Variants in SLC27A1 observed in about 807,000 individuals in gnomAD.
The protein encoded by SLC27A1 is long-chain fatty acid transport protein 1.
SLC27A1 carries 61 observed loss-of-function variants against 62.2 expected under a neutral mutation model. That is an observed-to-expected ratio of 0.98 (90% CI 0.80 to 1.21). The LOEUF is 1.21. Ranked by LOEUF, SLC27A1 falls within the 50% of genes most tolerant of loss-of-function variation. The pLI, the probability that SLC27A1 is intolerant of heterozygous loss-of-function variation, is 0.00. For synonymous variants in SLC27A1, 435 were observed against 408.6 expected, an observed-to-expected ratio of 1.06 and a Z score of -0.78; for missense variants, 903 against 932.1, an observed-to-expected ratio of 0.97 and a Z score of 0.41.
rs970598736 is a variant in SLC27A1, at chr19:17,491,415, G to A, written c.996+2298G>A. 4.6e-5 allele frequency among the ~76,000 whole-genome samples: 7 copies of A among 152,028 alleles called. No homozygotes were observed. The East Asian group carries it at 5.8e-4, about 13-fold the overall frequency. On this transcript the variant is annotated intron_variant, in intron 6 of 11. Transcript: ENST00000252595. ...CAGATCAATGGAGTCAGACACTGTCGCCTTTTGTGTCTGGTAAGCATTGTT... is the reference window on the plus strand; with the variant it reads ...CAGATCAATGGAGTCAGACACTGTCACCTTTTGTGTCTGGTAAGCATTGTT...
intron 1 of SLC27A1, among the ~76,000 whole-genome samples, chr19:17,479,436 A>C (rs1330330463): frequency 6.6e-6 from 1 of 152,146 alleles, no homozygotes; most frequent in Non-Finnish European, 1.5e-5. Context: ...ATTCTTGTGC[A>C]GGCTGCCCAG....
rs765698229 is a variant in SLC27A1 at position 17,497,267 on chromosome 19, A to G, written c.1009A>G (p.Ile337Val). Residue 337 changes from isoleucine to valine, a missense_variant, in exon 7 of 12, where the codon ATC (isoleucine) becomes GTC (valine). Physicochemically the swap from Ile to Val is conservative, Grantham distance 29. Coordinates refer to ENST00000252595, the MANE Select transcript of SLC27A1 (RefSeq NM_198580.3). ...CCCCGTCCCCCAGGTGGTTCAGTACATCGGGGAGATCTGCCGCTACCTGCT... is the reference window on the plus strand; with the variant it reads ...CCCCGTCCCCCAGGTGGTTCAGTACGTCGGGGAGATCTGCCGCTACCTGCT... Reference protein sequence around the residue: ...IKYNCTVVQYIGEICRYLLKQ... With the variant: ...IKYNCTVVQYVGEICRYLLKQ... 6 of 1,603,550 alleles carry G rather than the reference A, an allele frequency of 3.7e-6. No homozygotes were observed. In the East Asian group the frequency reaches 1.1e-4, roughly 30 times the overall value.
intron 10 of SLC27A1, 71 bp downstream of exon 10, chr19:17,500,947 G>T: frequency 1.4e-6 from 2 of 1,465,432 alleles, no homozygotes; most frequent in South Asian, 1.4e-5. Flanking sequence ...GGGCTTAGAA[G>T]TACACATGCC....
At chr19:17,477,843 C>T (rs1232939649) in intron 1 of SLC27A1, among the ~76,000 whole-genome samples, 1 of 152,112 alleles carries the variant, frequency 6.6e-6, no homozygotes, top group East Asian at 1.9e-4. Context: ...GTGTGAGCCA[C>T]CGCACCTGCC....
intron 1 of SLC27A1, among the ~76,000 whole-genome samples, chr19:17,481,074 C>T (rs1002985011): frequency 3.3e-5 from 5 of 150,894 alleles, no homozygotes; most frequent in Non-Finnish European, 5.9e-5. Flanking sequence ...TACAGGCATG[C>T]GCCACCACGC....
chr19:17,475,681 G>T (rs2075115608), intron 1 of SLC27A1, among the ~76,000 whole-genome samples: 4 of 152,208 alleles, frequency 2.6e-5, no homozygotes, highest in Admixed American at 2.6e-4. Context: ...GCACTGGAGT[G>T]GTTGGGGTGC....
Position 17,504,883 on chromosome 19 carries a change from C to CT in SLC27A1, c.*275dup. ...CTGGCCTTAACTCTTCCCTCTTTTT[C>CT]TTTTCTTTCTTTCTTTCTTTTTTTT... On this transcript the variant is annotated 3_prime_UTR_variant, in exon 12 of 12. Transcript: ENST00000252595. 1.6e-6 allele frequency: 1 copy of CT among 639,480 alleles called. No individual in the cohort carries two copies. The highest frequency in any genetic ancestry group is 2.9e-6 in the Non-Finnish European group (1 of 346,142). The allele number at this position is 639,480 out of a possible 1,614,324, so 39.6% of individuals were successfully genotyped here.
At chr19:17,472,164 G>A (rs572624732) in intron 1 of SLC27A1, among the ~76,000 whole-genome samples, 3 of 152,288 alleles carry the variant, frequency 2.0e-5, no homozygotes, top group Admixed American at 6.5e-5. Flanking sequence ...GGAGGCCGAG[G>A]CAGGCAGATC....
chr19:17,502,338 TTTTTTG>T (rs1412544502), intron 11 of SLC27A1, among the ~76,000 whole-genome samples: 2,240 of 63,376 alleles, frequency 0.035, 434 homozygotes, highest in African/African-American at 0.06. Context: ...AAATAGTGTT[TTTTTTG>T]TTTTTTTTTT....
At chr19:17,493,306 T>C (rs1186882184) in intron 6 of SLC27A1, among the ~76,000 whole-genome samples, 2 of 149,758 alleles carry the variant, frequency 1.3e-5, no homozygotes, top group Admixed American at 1.3e-4. Context: ...CGGGCACCTG[T>C]AGTCCCAGCT....
intron 1 of SLC27A1, among the ~76,000 whole-genome samples, chr19:17,485,439 C>G (rs543636759): frequency 6.6e-6 from 1 of 151,886 alleles, no homozygotes; most frequent in African/African-American, 2.4e-5. Context: ...CCACCCGCCT[C>G]GGCCTCCCAA....
chr19:17,487,412 C>T lies in SLC27A1; in HGVS notation c.725-48C>T, dbSNP rs200363683. The T allele has an allele frequency of 6.2e-4, 952 of 1,541,162 alleles. 2 individuals carry two copies. The highest frequency in any genetic ancestry group is 1.1e-3 in the Middle Eastern group (5 of 4,348). ...GGCCCCGCCCCCAACTTCCAGGCCC[C>T]ACCCCCCAATGCTCAGGCCCCACCC... On this transcript the variant is annotated intron_variant, in intron 3 of 11. Coordinates refer to ENST00000252595, the MANE Select transcript of SLC27A1 (RefSeq NM_198580.3).
At chr19:17,500,940 CT>C in intron 10 of SLC27A1, 64 bp downstream of exon 10, 1 of 1,483,806 alleles carries the variant, frequency 6.7e-7, no homozygotes. Flanking sequence ...CCAAAAGGGG[CT>C]TAGAAGTACA....
chr19:17,470,797 G>A (rs1427822894), intron 1 of SLC27A1, 90 bp downstream of exon 1: 1 of 1,273,348 alleles, frequency 7.9e-7, no homozygotes, highest in African/African-American at 1.6e-5. Flanking sequence ...GGGACGGCTT[G>A]GAGGGTCCGG....
intron 1 of SLC27A1, among the ~76,000 whole-genome samples, chr19:17,485,012 C>G (rs1463420544): frequency 6.6e-6 from 1 of 152,072 alleles, no homozygotes; most frequent in Non-Finnish European, 1.5e-5. Context: ...CCCCACATTC[C>G]AGTGGCTTAC....
chr19:17,474,627 CTTTTTTTTTTTTT>C (rs780611616), intron 1 of SLC27A1, among the ~76,000 whole-genome samples: 7,809 of 131,414 alleles, frequency 0.059, 730 homozygotes, highest in African/African-American at 0.2. Context: ...TGACCCCTTT[CTTTTTTTTTTTTT>C]TTTTTTTGAG....
At chr19:17,477,239 G>GTTTTTTT (rs1368216587) in intron 1 of SLC27A1, among the ~76,000 whole-genome samples, 5 of 49,052 alleles carry the variant, frequency 1.0e-4, no homozygotes, top group Non-Finnish European at 2.2e-4. Context: ...GATGAGCAGC[G>GTTTTTTT]CTTTTTTTTT....
rs896956371 is a variant in SLC27A1 at position 17,486,348 on chromosome 19, G to C, written c.168-215G>C. On this transcript the variant is annotated intron_variant, in intron 1 of 11. Transcript: ENST00000252595. The surrounding 1 kb of genome is among the most constrained non-coding windows in gnomAD (Gnocchi z 6.6). Reference sequence around the variant, plus strand: ...GGGTATGGGGGAGGACAGGGTGACTGGTTTATTACGCTTTGAGAATCTACC... The same window carrying C: ...GGGTATGGGGGAGGACAGGGTGACTCGTTTATTACGCTTTGAGAATCTACC... Among the ~76,000 whole-genome samples, 2 of 152,294 alleles carry C rather than the reference G, an allele frequency of 1.3e-5. No homozygotes were observed. The highest frequency in any genetic ancestry group is 1.3e-4 in the Admixed American group (2 of 15,296).
intron 6 of SLC27A1, among the ~76,000 whole-genome samples, chr19:17,493,176 G>A (rs2075312540): frequency 6.6e-6 from 1 of 151,236 alleles, no homozygotes; most frequent in Non-Finnish European, 1.5e-5. Context: ...GCTCACGCCT[G>A]TAATCCCAGC....
Sources: allele counts gnomAD v4.1 joint callset (sites outside exome capture counted in the v4.1 genomes callset), GRCh38; gene constraint gnomAD v4.1.1; non-coding constraint Gnocchi (gnomAD v3.1); transcripts MANE v1.5; gene names NCBI Gene and HGNC (gene_info 2026-07-23, HGNC 2026-07-21).